AQP9: variants seen among roughly 807,000 people sequenced by gnomAD.
AQP9 encodes aquaporin-9.
Under a neutral mutation model 23.8 loss-of-function variants are expected in AQP9, and 19 were observed. That is an observed-to-expected ratio of 0.80 (90% CI 0.56 to 1.17). The LOEUF (loss-of-function observed/expected upper bound fraction) is 1.17, where lower values mean the gene tolerates loss of function less well. Among genes scored for constraint, AQP9 ranks in the 50% most tolerant of loss-of-function variants. The probability of loss-of-function intolerance (pLI) is 0.00; values close to 1 mark genes in which losing one functional copy is unlikely to be tolerated. For missense variants in AQP9, 413 were observed against 362.0 expected (o/e 1.14, Z -1.14); for synonymous variants, 153 against 131.5 (o/e 1.16, Z -1.12).
intron 5 of AQP9, among the ~76,000 whole-genome samples, chr15:58,181,036 A>G (rs1898875776): frequency 6.6e-6 from 1 of 152,180 alleles, no homozygotes; most frequent in African/African-American, 2.4e-5. Context: ...CTTGGAGACC[A>G]AGCTCTTCTT....
intron 2 of AQP9, 64 bp from the exon 3 acceptor site, chr15:58,173,004 A>C: frequency 1.3e-6 from 2 of 1,598,350 alleles, no homozygotes; most frequent in Non-Finnish European, 1.7e-6. Context: ...TGAGGTCTCT[A>C]GATGGTTTTC....
At chr15:58,141,453 T>C (rs1328252362) in intron 1 of AQP9, among the ~76,000 whole-genome samples, 1 of 152,210 alleles carries the variant, frequency 6.6e-6, no homozygotes, top group African/African-American at 2.4e-5. Context: ...GTCTAACTTT[T>C]GGCATCTCTT....
rs373368242 is a variant in AQP9 at position 58,153,462 on chromosome 15, T to C, written c.112-13211T>C. The stretch of plus-strand genomic sequence containing the variant: ...GGCATCACCACATTATTAACAGCAA[T>C]TTGTGCTCTAACACAAAATGACATC... On this transcript the variant is annotated intron_variant, in intron 1 of 5. Transcript: ENST00000219919. 4 of 152,286 alleles carry C rather than the reference T, an allele frequency of 2.6e-5. No homozygotes were observed. In the East Asian group the frequency reaches 7.7e-4, roughly 29 times the overall value. The allele number at this position is 152,286 out of a possible 1,614,324, so 9.4% of individuals were successfully genotyped here. A position where few individuals can be genotyped will look rare whatever the true frequency, so the allele number is the denominator to read the frequency against.
chr15:58,175,543 C>A (rs2280198), intron 4 of AQP9, among the ~76,000 whole-genome samples: 7 of 151,998 alleles, frequency 4.6e-5, no homozygotes, highest in Non-Finnish European at 5.9e-5. Context: ...CTTCTAGCAC[C>A]CAAGCATACT....
intron 1 of AQP9, among the ~76,000 whole-genome samples, chr15:58,145,013 CAAAAAA>C (rs66782655): frequency 2.0e-5 from 1 of 50,754 alleles, no homozygotes; most frequent in Admixed American, 2.0e-4. Context: ...GACTCCATCT[CAAAAAA>C]AAAAAAAAAA....
chr15:58,138,750 T>C, intron 1 of AQP9, 74 bp downstream of exon 1: 1 of 1,280,582 alleles, frequency 7.8e-7, no homozygotes, highest in Non-Finnish European at 1.1e-6. Flanking sequence ...GTGGAGAGTT[T>C]TGTTTGGTTT....
chr15:58,159,785 A>G (rs986381725), intron 1 of AQP9, among the ~76,000 whole-genome samples: 10 of 152,126 alleles, frequency 6.6e-5, no homozygotes, highest in Non-Finnish European at 1.2e-4. Flanking sequence ...GGCTTATTTC[A>G]CTTAACATAA....
At chr15:58,154,836 A>C (rs1898217342) in intron 1 of AQP9, 1 of 152,528 alleles carries the variant, frequency 6.6e-6, no homozygotes, top group African/African-American at 2.4e-5. Flanking sequence ...TCGAAGAAAA[A>C]CCTGCAAACC....
intron 3 of AQP9, among the ~76,000 whole-genome samples, chr15:58,174,654 T>C (rs1311541723): frequency 6.6e-6 from 1 of 152,232 alleles, no homozygotes; most frequent in Non-Finnish European, 1.5e-5. Flanking sequence ...AGAGAACTCA[T>C]TCCCAGGACC....
chr15:58,178,798 G>A (rs1898813906), intron 4 of AQP9, among the ~76,000 whole-genome samples: 2 of 152,128 alleles, frequency 1.3e-5, no homozygotes, highest in African/African-American at 4.8e-5. Context: ...CTACTTAGCT[G>A]AGTAGTAGCT....
intron 1 of AQP9, chr15:58,153,829 C>CA (rs1412794112): frequency 1.3e-5 from 2 of 152,118 alleles, no homozygotes; most frequent in African/African-American, 4.8e-5. Context: ...ACTCTTATCG[C>CA]AACCTCCCTA....
At chr15:58,165,256 G>T (rs1461316179) in intron 1 of AQP9, among the ~76,000 whole-genome samples, 1 of 152,088 alleles carries the variant, frequency 6.6e-6, no homozygotes, top group African/African-American at 2.4e-5. Context: ...TACCAAACTT[G>T]TATGAAATTG....
intron 1 of AQP9, among the ~76,000 whole-genome samples, chr15:58,161,774 T>G (rs1455171434): frequency 6.6e-6 from 1 of 152,212 alleles, no homozygotes; most frequent in Non-Finnish European, 1.5e-5. Context: ...AATATTGCCT[T>G]CATTAATGTT....
intron 2 of AQP9, among the ~76,000 whole-genome samples, chr15:58,167,708 T>A (rs1340634445): frequency 6.6e-6 from 1 of 152,036 alleles, no homozygotes; most frequent in African/African-American, 2.4e-5. Flanking sequence ...CCTCATTTTT[T>A]GTTTGTTTGT....
intron 2 of AQP9, among the ~76,000 whole-genome samples, chr15:58,172,575 C>A (rs974626294): frequency 1.9e-4 from 29 of 152,178 alleles, no homozygotes; most frequent in African/African-American, 6.8e-4. Flanking sequence ...CCCTCAGCAA[C>A]CCACAGTCAT....
intron 1 of AQP9, chr15:58,155,942 G>C (rs1898248165): frequency 6.6e-6 from 1 of 152,136 alleles, no homozygotes; most frequent in Non-Finnish European, 1.5e-5. Flanking sequence ...ATATGAATCG[G>C]AGGGCAGCCA....
At chr15:58,178,853 C>T (rs187221504) in intron 4 of AQP9, among the ~76,000 whole-genome samples, 7 of 152,308 alleles carry the variant, frequency 4.6e-5, no homozygotes. Context: ...TGGAGCCAAA[C>T]TCTCTGGATC....
chr15:58,142,459 C>A (rs1023370699), intron 1 of AQP9, among the ~76,000 whole-genome samples: 1 of 152,148 alleles, frequency 6.6e-6, no homozygotes, highest in African/African-American at 2.4e-5. Flanking sequence ...ACAGAACAGA[C>A]GTGATCGTGG....
At chr15:58,139,046 C>T (rs1465857674) in intron 1 of AQP9, among the ~76,000 whole-genome samples, 15 of 152,188 alleles carry the variant, frequency 9.9e-5, no homozygotes, top group Admixed American at 9.2e-4. Flanking sequence ...ATTGGGGTGA[C>T]TCAGCCACCT....
Sources: allele counts gnomAD v4.1 joint callset (sites outside exome capture counted in the v4.1 genomes callset), GRCh38; gene constraint gnomAD v4.1.1; transcripts MANE v1.5; gene names NCBI Gene and HGNC (gene_info 2026-07-23, HGNC 2026-07-21).